Variants in RBFOX1 observed in about 807,000 individuals in gnomAD.
RBFOX1 encodes RNA binding fox-1 homolog 1.
RBFOX1 carries 8 observed loss-of-function variants against 57.7 expected under a neutral mutation model. That is an observed-to-expected ratio of 0.14 (90% CI 0.08 to 0.25). The LOEUF is 0.25. RBFOX1 is among the 10% of genes least tolerant of loss of function. RBFOX1 has a pLI of 1.00. For missense variants in RBFOX1, 611 were observed against 548.5 expected (o/e 1.11, Z -1.14); for synonymous variants, 326 against 222.4 (o/e 1.47, Z -4.15).
intron 4 of RBFOX1, among the ~76,000 whole-genome samples, chr16:7,389,866 T>C (rs74012536): frequency 0.081 from 12,370 of 152,216 alleles, 542 homozygotes; most frequent in East Asian, 0.2. Flanking sequence ...AGTCCACTGC[T>C]GTTTTCCAAA....
intron 1 of RBFOX1, among the ~76,000 whole-genome samples, chr16:5,429,438 G>T (rs557048309): frequency 3.3e-5 from 5 of 152,312 alleles, no homozygotes; most frequent in African/African-American, 7.2e-5. Context: ...ATTTGTGGAA[G>T]GGTTTCTTCA....
At chr16:5,806,769 G>A (rs2055242334) in intron 3 of RBFOX1, among the ~76,000 whole-genome samples, 2 of 152,212 alleles carry the variant, frequency 1.3e-5, no homozygotes, top group Admixed American at 1.3e-4. Flanking sequence ...TCCCTAATTA[G>A]CACAGAGGTG....
At chr16:6,835,170 G>A (rs534544732) in intron 3 of RBFOX1, among the ~76,000 whole-genome samples, 2 of 152,052 alleles carry the variant, frequency 1.3e-5, no homozygotes, top group Non-Finnish European at 2.9e-5. Context: ...CACAGTGTTG[G>A]GATCACAGGC....
chr16:6,676,673 C>CTTTTTT (rs756578276), intron 3 of RBFOX1, among the ~76,000 whole-genome samples: 472 of 103,570 alleles, frequency 4.6e-3, no homozygotes, highest in African/African-American at 5.6e-3. Flanking sequence ...TTTTTCTTTT[C>CTTTTTT]TTTTTTTTTT....
intron 3 of RBFOX1, among the ~76,000 whole-genome samples, chr16:6,781,637 A>G (rs535481467): frequency 1.6e-4 from 24 of 152,054 alleles, no homozygotes; most frequent in African/African-American, 5.1e-4. Context: ...CTATTATTTC[A>G]TGTTTCAATC....
In RBFOX1 at chr16:7,701,608, G is replaced by C. The variant is rs117357438; in HGVS notation, c.996-7448G>C. Among the ~76,000 whole-genome samples the C allele has an allele frequency of 7.8e-4, 119 of 152,278 alleles. 2 individuals are homozygous for C. The East Asian group carries it at 0.018, about 23-fold the overall frequency. ...AGAAGGCCAGGGACTTCTCCTCTAG[G>C]TGTTTAGGGACTGGTTTAGTTCCTC... On this transcript the variant is annotated intron_variant, in intron 14 of 15. Coordinates refer to ENST00000550418, the MANE Select transcript of RBFOX1 (RefSeq NM_018723.4).
chr16:6,119,786 C>T (rs1351802700), intron 1 of RBFOX1, among the ~76,000 whole-genome samples: 1 of 152,202 alleles, frequency 6.6e-6, no homozygotes, highest in Non-Finnish European at 1.5e-5. Context: ...AGGCACAAGT[C>T]TCCATGTCTG....
At chr16:6,565,395 C>A (rs1336158410) in intron 2 of RBFOX1, among the ~76,000 whole-genome samples, 1 of 152,080 alleles carries the variant, frequency 6.6e-6, no homozygotes, top group African/African-American at 2.4e-5. Context: ...GTAGCTGGAA[C>A]TACAGGCGCC....
intron 2 of RBFOX1, among the ~76,000 whole-genome samples, chr16:6,601,454 C>T (rs953776670): frequency 1.3e-5 from 2 of 152,104 alleles, no homozygotes; most frequent in Non-Finnish European, 2.9e-5. Context: ...TCATTTACCT[C>T]TCCTCTTTGA....
chr16:7,400,506 C>G (rs1415008714), intron 4 of RBFOX1, among the ~76,000 whole-genome samples: 2 of 152,130 alleles, frequency 1.3e-5, no homozygotes, highest in African/African-American at 4.8e-5. Context: ...TGGCCCACAG[C>G]TTTCTCCCTC....
intron 14 of RBFOX1, among the ~76,000 whole-genome samples, chr16:7,692,813 G>A (rs768349347): frequency 6.6e-6 from 1 of 151,970 alleles, no homozygotes; most frequent in Non-Finnish European, 1.5e-5. Flanking sequence ...GTAGCAAGCT[G>A]GGTTTGATGA....
chr16:6,094,310 G>C (rs772986358), intron 1 of RBFOX1, among the ~76,000 whole-genome samples: 2 of 152,178 alleles, frequency 1.3e-5, no homozygotes, highest in Non-Finnish European at 2.9e-5. Context: ...AAATGATTTT[G>C]AGAAGAGGTC....
intron 3 of RBFOX1, among the ~76,000 whole-genome samples, chr16:6,752,505 G>C (rs949381836): frequency 6.6e-6 from 1 of 152,192 alleles, no homozygotes; most frequent in Admixed American, 6.5e-5. Flanking sequence ...GCTGGAAGCT[G>C]TGTTCTTTCC....
intron 2 of RBFOX1, among the ~76,000 whole-genome samples, chr16:5,582,869 A>T (rs1041558184): frequency 4.6e-5 from 7 of 152,170 alleles, no homozygotes; most frequent in African/African-American, 1.7e-4. Context: ...CTCTCATTCA[A>T]CTGTGTATCC....
chr16:7,161,104 G>T (rs1385082887), intron 4 of RBFOX1, among the ~76,000 whole-genome samples: 1 of 151,530 alleles, frequency 6.6e-6, no homozygotes, highest in African/African-American at 2.4e-5. Context: ...TGTATTTAGT[G>T]TTTACATCAA....
At chr16:7,258,537 C>G (rs1349494628) in intron 4 of RBFOX1, among the ~76,000 whole-genome samples, 1 of 151,932 alleles carries the variant, frequency 6.6e-6, no homozygotes, top group Non-Finnish European at 1.5e-5. Context: ...TGTACATGCA[C>G]GTAAAAATAT....
intron 2 of RBFOX1, among the ~76,000 whole-genome samples, chr16:6,646,468 G>T (rs1029633182): frequency 6.6e-6 from 1 of 152,022 alleles, no homozygotes; most frequent in Non-Finnish European, 1.5e-5. Flanking sequence ...CTTTTCTGTC[G>T]CTTGCGTGGG....
chr16:7,245,266 T>A (rs998386252), intron 4 of RBFOX1, among the ~76,000 whole-genome samples: 5 of 152,236 alleles, frequency 3.3e-5, no homozygotes, highest in African/African-American at 1.2e-4. Flanking sequence ...TAATTTTCTT[T>A]GAGAGCTTTG....
At chr16:6,118,785 C>G (rs1331822372) in intron 1 of RBFOX1, among the ~76,000 whole-genome samples, 1 of 149,624 alleles carries the variant, frequency 6.7e-6, no homozygotes, top group Non-Finnish European at 1.5e-5. Context: ...TTCTCCCTCT[C>G]TTTCTCTCTC....
Sources: allele counts gnomAD v4.1 joint callset (sites outside exome capture counted in the v4.1 genomes callset), GRCh38; gene constraint gnomAD v4.1.1; transcripts MANE v1.5; gene names NCBI Gene and HGNC (gene_info 2026-07-23, HGNC 2026-07-21).